Variants in TSHZ2 observed in about 807,000 individuals in gnomAD.
TSHZ2 encodes the protein teashirt homolog 2.
Under a neutral mutation model 74.4 loss-of-function variants are expected in TSHZ2, and 21 were observed. That is an observed-to-expected ratio of 0.28 (90% confidence interval 0.20 to 0.41). The LOEUF (loss-of-function observed/expected upper bound fraction) is 0.41. TSHZ2 is among the 10% of genes least tolerant of loss of function. The pLI, the probability that TSHZ2 is intolerant of heterozygous loss-of-function variation, is 1.00. For missense variants in TSHZ2, 1,244 were observed against 1,293.5 expected, an observed-to-expected ratio of 0.96 and a Z score of 0.59; for synonymous variants, 540 against 515.3, an observed-to-expected ratio of 1.05 and a Z score of -0.65.
intron 1 of TSHZ2, among the ~76,000 whole-genome samples, chr20:53,146,718 T>C (rs1346559972): frequency 6.6e-6 from 1 of 152,156 alleles, no homozygotes; most frequent in Non-Finnish European, 1.5e-5. Context: ...AGGCTCCCCA[T>C]TGGTAGGCAA....
chr20:53,370,306 C>T (rs552989790), intron 2 of TSHZ2, among the ~76,000 whole-genome samples: 1 of 152,178 alleles, frequency 6.6e-6, no homozygotes, highest in Admixed American at 6.6e-5. Context: ...TGGGGAGCTG[C>T]TCTGGGCAGG....
chr20:53,267,372 G>A (rs2123751795), intron 2 of TSHZ2, among the ~76,000 whole-genome samples: 1 of 152,350 alleles, frequency 6.6e-6, no homozygotes. Flanking sequence ...AGCATGGATG[G>A]TGTGAAATGA....
chr20:53,003,041 A>AAG (rs1982496354), intron 1 of TSHZ2, among the ~76,000 whole-genome samples: 1 of 152,208 alleles, frequency 6.6e-6, no homozygotes, highest in Admixed American at 6.5e-5. Context: ...TAGACATAAT[A>AAG]AGAGACACAC....
intron 2 of TSHZ2, among the ~76,000 whole-genome samples, chr20:53,267,280 G>C (rs754477435): frequency 1.3e-4 from 20 of 152,188 alleles, no homozygotes; most frequent in Non-Finnish European, 2.6e-4. Flanking sequence ...GGCAGAGCCT[G>C]TGTCGAGGCT....
intron 1 of TSHZ2, among the ~76,000 whole-genome samples, chr20:53,228,834 A>G (rs1049074854): frequency 1.3e-5 from 2 of 152,032 alleles, no homozygotes; most frequent in African/African-American, 2.4e-5. Flanking sequence ...AGTTGGGGGG[A>G]AAAATGCCCC....
intron 1 of TSHZ2, among the ~76,000 whole-genome samples, chr20:52,977,918 C>G (rs1354246347): frequency 6.6e-6 from 1 of 152,126 alleles, no homozygotes; most frequent in African/African-American, 2.4e-5. Context: ...AGGGGAGAAA[C>G]ATTCCTCAGA....
At position 53,337,777 on chromosome 20, in the gene TSHZ2, G is replaced by C. The variant is rs557126205; in HGVS notation, c.*8+81206G>C. ...AAACTGCTTTTTGATGTAGAGTAGG[G>C]CTATAAAATGCCTTTTAAAGTGTTT... On this transcript the variant is annotated intron_variant, in intron 2 of 2. Transcript: ENST00000371497. Among the ~76,000 whole-genome samples, 4 of 152,324 alleles carry C rather than the reference G, an allele frequency of 2.6e-5. No individual in the cohort carries two copies. The East Asian group carries it at 7.7e-4, about 29-fold the overall frequency.
chr20:53,288,637 A>C (rs1991218882), intron 2 of TSHZ2, among the ~76,000 whole-genome samples: 1 of 152,130 alleles, frequency 6.6e-6, no homozygotes, highest in Non-Finnish European at 1.5e-5. Flanking sequence ...TAGGTTCTGG[A>C]AGCTTAGGAC....
chr20:53,121,255 G>A (rs922009909), intron 1 of TSHZ2, among the ~76,000 whole-genome samples: 4 of 152,010 alleles, frequency 2.6e-5, no homozygotes, highest in African/African-American at 4.8e-5. Flanking sequence ...GCCTCAAATT[G>A]TCTTCCTTTA....
intron 2 of TSHZ2, among the ~76,000 whole-genome samples, chr20:53,441,028 A>G (rs1984292393): frequency 1.3e-5 from 2 of 152,150 alleles, no homozygotes; most frequent in South Asian, 2.1e-4. Flanking sequence ...AAATTAAGCA[A>G]TTGAGTGTAG....
At chr20:53,453,256 T>C (rs771464822) in intron 2 of TSHZ2, 1 of 152,202 alleles carries the variant, frequency 6.6e-6, no homozygotes, top group Non-Finnish European at 1.5e-5. Flanking sequence ...CAACTAAATA[T>C]CTTCCAGGGA....
At chr20:52,988,981 G>T (rs1215097994) in intron 1 of TSHZ2, among the ~76,000 whole-genome samples, 1 of 151,932 alleles carries the variant, frequency 6.6e-6, no homozygotes, top group Non-Finnish European at 1.5e-5. Flanking sequence ...TGCCCTCACA[G>T]GTTTATGGTC....
chr20:53,343,309 G>C (rs897361224), intron 2 of TSHZ2, among the ~76,000 whole-genome samples: 2 of 152,120 alleles, frequency 1.3e-5, no homozygotes, highest in African/African-American at 4.8e-5. Context: ...GGCCACACTG[G>C]GAGTAGCGAG....
intron 1 of TSHZ2, among the ~76,000 whole-genome samples, chr20:53,141,191 T>C (rs745618692): frequency 1.1e-4 from 17 of 152,146 alleles, no homozygotes; most frequent in Non-Finnish European, 7.4e-5. Context: ...AGGACACCTA[T>C]AGCTCCTGAG....
intron 2 of TSHZ2, chr20:53,400,112 G>A (rs1231296445): frequency 1.3e-5 from 2 of 152,722 alleles, no homozygotes; most frequent in African/African-American, 2.4e-5. Context: ...GCACAGGCTG[G>A]CTACTCACTG....
At chr20:53,057,101 C>T (rs1293155139) in intron 1 of TSHZ2, among the ~76,000 whole-genome samples, 3 of 152,186 alleles carry the variant, frequency 2.0e-5, no homozygotes, top group South Asian at 4.1e-4. Flanking sequence ...CTGCACCGCT[C>T]TCCTGTAAGA....
chr20:53,111,558 G>A (rs974228815), intron 1 of TSHZ2, among the ~76,000 whole-genome samples: 2 of 152,120 alleles, frequency 1.3e-5, no homozygotes, highest in African/African-American at 4.8e-5. Flanking sequence ...AGCAAGTCAG[G>A]TGGCCCACGT....
chr20:53,128,071 G>C (rs778629938), intron 1 of TSHZ2, among the ~76,000 whole-genome samples: 2 of 152,142 alleles, frequency 1.3e-5, no homozygotes, highest in Non-Finnish European at 2.9e-5. Context: ...TTGTAATCCA[G>C]ATAGTAGATT....
intron 2 of TSHZ2, among the ~76,000 whole-genome samples, chr20:53,418,407 G>A (rs556794046): frequency 2.0e-5 from 3 of 152,304 alleles, no homozygotes; most frequent in South Asian, 2.1e-4. Flanking sequence ...GGATATACCC[G>A]AGGCTGGGCA....
Sources: allele counts gnomAD v4.1 joint callset (sites outside exome capture counted in the v4.1 genomes callset), GRCh38; gene constraint gnomAD v4.1.1; transcripts MANE v1.5; gene names NCBI Gene and HGNC (gene_info 2026-07-23, HGNC 2026-07-21).